BAHD1: variants seen among roughly 807,000 people sequenced by gnomAD.
BAHD1 encodes bromo adjacent homology domain containing 1.
BAHD1 carries 20 observed loss-of-function variants against 63.1 expected under a neutral mutation model. The observed-to-expected ratio is 0.32, with a 90% CI of 0.22 to 0.46. The LOEUF is 0.46. Ranked by LOEUF, BAHD1 falls within the 20% of genes least tolerant of loss-of-function variation. The pLI, the probability that BAHD1 is intolerant of heterozygous loss-of-function variation, is 1.00. For synonymous variants in BAHD1, 408 were observed against 426.8 expected (o/e 0.96, Z 0.54); for missense variants, 939 against 1,071.8 (o/e 0.88, Z 1.73).
intron 1 of BAHD1, among the ~76,000 whole-genome samples, chr15:40,457,637 T>C (rs1395918107): frequency 1.3e-5 from 2 of 152,224 alleles, no homozygotes; most frequent in Non-Finnish European, 2.9e-5. Flanking sequence ...TCTGTCTTCT[T>C]GTCCTCCTGT....
chr15:40,461,856 G>C, intron 2 of BAHD1, 56 bp from the exon 3 acceptor site: 1 of 1,518,762 alleles, frequency 6.6e-7, no homozygotes, highest in Non-Finnish European at 8.8e-7. Flanking sequence ...TCTGAAAGCA[G>C]ATGGGTGATG....
intron 1 of BAHD1, among the ~76,000 whole-genome samples, chr15:40,443,856 G>A (rs1893467267): frequency 6.6e-6 from 1 of 152,036 alleles, no homozygotes; most frequent in African/African-American, 2.4e-5. Flanking sequence ...CCTAGACAGT[G>A]TCCCCTCCAG....
intron 1 of BAHD1, among the ~76,000 whole-genome samples, chr15:40,449,253 T>G (rs1156968941): frequency 6.6e-6 from 1 of 152,236 alleles, no homozygotes; most frequent in Non-Finnish European, 1.5e-5. Flanking sequence ...TAGTGAGTGC[T>G]TGACAAACAT....
intron 1 of BAHD1, among the ~76,000 whole-genome samples, chr15:40,442,280 C>T (rs1171885802): frequency 6.6e-6 from 1 of 151,564 alleles, no homozygotes; most frequent in African/African-American, 2.4e-5. Flanking sequence ...GCGACGGGGC[C>T]GGACTCTGCC....
At chr15:40,463,802 C>G (rs1894120960) in intron 3 of BAHD1, 59 bp from the exon 4 acceptor site, 1 of 1,584,984 alleles carries the variant, frequency 6.3e-7, no homozygotes, top group Non-Finnish European at 8.6e-7. Flanking sequence ...TTCCCTCTCT[C>G]TGTCCTTACT....
At chr15:40,439,642 C>T (rs979188798), upstream of BAHD1, 1 of 152,674 alleles carries the variant, frequency 6.5e-6, no homozygotes, top group Non-Finnish European at 1.5e-5. Context: ...CCCTTTCTGC[C>T]GCTGCTCCTT....
At chr15:40,461,807 G>C (rs938005988) in intron 2 of BAHD1, 105 bp from the exon 3 acceptor site, 2 of 1,422,638 alleles carry the variant, frequency 1.4e-6, no homozygotes, top group African/African-American at 2.9e-5. Flanking sequence ...CACCTCAGTG[G>C]CCTTTGGTTG....
At chr15:40,441,679 C>T (rs907727327) in intron 1 of BAHD1, among the ~76,000 whole-genome samples, 1 of 147,512 alleles carries the variant, frequency 6.8e-6, no homozygotes, top group African/African-American at 2.5e-5. Flanking sequence ...CTCGCCGCGG[C>T]GGAGCCGGCT....
At chr15:40,460,668 G>A (rs368017062) in intron 2 of BAHD1, among the ~76,000 whole-genome samples, 1 of 152,170 alleles carries the variant, frequency 6.6e-6, no homozygotes, top group Non-Finnish European at 1.5e-5. Flanking sequence ...ATCCTCACCT[G>A]CCTCTTCAGG....
rs564459402 is a variant in BAHD1 at position 40,442,347 on chromosome 15, G to T, written c.-15+1079G>T. ...GGAGGAGCTGCGGCACTGGCTTGCC[G>T]CTCTAGCCGCTCGCTGTTGGCCTCG... On this transcript the variant is annotated intron_variant, in intron 1 of 6. Coordinates refer to ENST00000416165, the MANE Select transcript of BAHD1 (RefSeq NM_014952.5). Among the ~76,000 whole-genome samples the T allele has an allele frequency of 1.2e-4, 19 of 152,062 alleles. No individual in the cohort carries two copies. The South Asian group carries it at 4.0e-3, about 32-fold the overall frequency.
In BAHD1 at chr15:40,467,703, T is replaced by A. The variant is rs1894254042; in HGVS notation, c.*1573T>A. ...CCTGGAGGCTTCAGAGGTGAATTTATGCTTGGGAAGCCTGATCCCAAACCT... is the reference window on the plus strand; with the variant it reads ...CCTGGAGGCTTCAGAGGTGAATTTAAGCTTGGGAAGCCTGATCCCAAACCT... On this transcript the variant is annotated 3_prime_UTR_variant, in exon 7 of 7. Coordinates refer to ENST00000416165, the MANE Select transcript of BAHD1 (RefSeq NM_014952.5). The A allele has an allele frequency of 6.5e-6, 1 of 152,700 alleles. No individual in the cohort carries two copies. Among genetic ancestry groups the A allele is most frequent in the Non-Finnish European group, 1.5e-5 (1 of 68,088 alleles). The allele number at this position is 152,700 out of a possible 1,614,324, so 9.5% of individuals were successfully genotyped here.
intron 1 of BAHD1, among the ~76,000 whole-genome samples, chr15:40,442,970 G>C (rs1332936197): frequency 6.6e-6 from 1 of 152,172 alleles, no homozygotes; most frequent in Non-Finnish European, 1.5e-5. Context: ...CATCTCCCCC[G>C]GTGACCAGCT....
upstream of BAHD1, among the ~76,000 whole-genome samples, chr15:40,439,450 A>G (rs1893343790): frequency 6.6e-6 from 1 of 152,178 alleles, no homozygotes; most frequent in African/African-American, 2.4e-5. Flanking sequence ...GGTCTAGGAA[A>G]GGCTGGGCGC....
At chr15:40,455,780 C>T (rs964905350) in intron 1 of BAHD1, among the ~76,000 whole-genome samples, 1 of 152,226 alleles carries the variant, frequency 6.6e-6, no homozygotes, top group African/African-American at 2.4e-5. Flanking sequence ...TTGGCCCGTG[C>T]TCAAATGCAT....
intron 1 of BAHD1, among the ~76,000 whole-genome samples, chr15:40,446,044 A>G (rs1440372203): frequency 6.6e-6 from 1 of 152,192 alleles, no homozygotes; most frequent in East Asian, 1.9e-4. Flanking sequence ...GGGTCTGGAG[A>G]TGGTGTAGCT....
At chr15:40,448,146 G>A (rs1399972786) in intron 1 of BAHD1, among the ~76,000 whole-genome samples, 1 of 151,924 alleles carries the variant, frequency 6.6e-6, no homozygotes, top group Non-Finnish European at 1.5e-5. Flanking sequence ...GGAGGCTGAG[G>A]CAGGAGAATC....
chr15:40,463,776 C>G, intron 3 of BAHD1, 85 bp from the exon 4 acceptor site: 1 of 1,461,456 alleles, frequency 6.8e-7, no homozygotes, highest in Non-Finnish European at 9.3e-7. Flanking sequence ...TTGAGGAAAT[C>G]GTGGAAAGGA....
At position 40,459,475 on chromosome 15, in the gene BAHD1, C is replaced by A. The variant is rs757308301; in HGVS notation, c.1011C>A (p.Ala337=). The part of the protein sequence containing the change: ...EPGRPGEESP[A]PKQELHQPSF... ...GGCGCCCAGGCGAGGAGTCACCTGCCCCTAAGCAGGAACTGCATCAGCCCT... is the reference window on the plus strand; with the variant it reads ...GGCGCCCAGGCGAGGAGTCACCTGCACCTAAGCAGGAACTGCATCAGCCCT... Residue 337 remains alanine, a synonymous_variant, in exon 2 of 7, where the codon GCC becomes GCA. Transcript: ENST00000416165. 3 of 1,613,958 alleles carry A rather than the reference C, an allele frequency of 1.9e-6. No homozygotes were observed. Among genetic ancestry groups the A allele is most frequent in the African/African-American group, 2.7e-5 (2 of 75,070 alleles).
At chr15:40,441,680 G>A (rs1279430451) in intron 1 of BAHD1, among the ~76,000 whole-genome samples, 1 of 148,072 alleles carries the variant, frequency 6.8e-6, no homozygotes, top group African/African-American at 2.4e-5. Context: ...TCGCCGCGGC[G>A]GAGCCGGCTC....
Sources: allele counts gnomAD v4.1 joint callset (sites outside exome capture counted in the v4.1 genomes callset), GRCh38; gene constraint gnomAD v4.1.1; transcripts MANE v1.5; gene names NCBI Gene and HGNC (gene_info 2026-07-23, HGNC 2026-07-21).